The following TAFA2 variants were observed in gnomAD, a reference collection of about 807,000 sequenced individuals.
The protein encoded by TAFA2 is TAFA chemokine like family member 2.
Under a neutral mutation model 18.8 loss-of-function variants are expected in TAFA2, and 7 were observed. That is an observed-to-expected ratio of 0.37 (90% confidence interval 0.21 to 0.70). The LOEUF is 0.70. TAFA2 is among the 30% of genes least tolerant of loss of function. TAFA2 has a pLI of 0.53. For missense variants in TAFA2, 122 were observed against 158.1 expected (o/e 0.77, Z 1.23); for synonymous variants, 60 against 54.2 (o/e 1.11, Z -0.47).
chr12:62,142,223 T>C (rs1336825225), intron 1 of TAFA2, among the ~76,000 whole-genome samples: 1 of 152,146 alleles, frequency 6.6e-6, no homozygotes, highest in East Asian at 1.9e-4. Context: ...AAATAATAAC[T>C]ACCTGAGCCT....
rs186416726 is a variant in TAFA2, at chr12:61,784,119, G to T, written c.107-29095C>A. On this transcript the variant is annotated intron_variant, in intron 2 of 4. Transcript: ENST00000416284. Reference sequence around the variant, plus strand: ...CTGAGGCCATCTCTGGAAAAGGGAGGGGAAATACTGGAAGAAGAAAGGATA... The same window carrying T: ...CTGAGGCCATCTCTGGAAAAGGGAGTGGAAATACTGGAAGAAGAAAGGATA... Among the ~76,000 whole-genome samples the T allele has an allele frequency of 2.7e-3, 405 of 151,466 alleles. 4 individuals carry two copies. The highest frequency in any genetic ancestry group is 3.8e-3 in the Non-Finnish European group (257 of 67,630).
chr12:62,101,097 CCAA>C (rs1014379342), intron 1 of TAFA2, among the ~76,000 whole-genome samples: 1 of 151,806 alleles, frequency 6.6e-6, no homozygotes, highest in African/African-American at 2.4e-5. Flanking sequence ...AGTAGATTAC[CCAA>C]CAACAACTAT....
At chr12:62,165,047 C>T (rs1165831580) in intron 1 of TAFA2, among the ~76,000 whole-genome samples, 1 of 152,008 alleles carries the variant, frequency 6.6e-6, no homozygotes, top group Non-Finnish European at 1.5e-5. Context: ...GTCCCCAATA[C>T]CTTGGGGAAA....
At chr12:61,999,022 T>C (rs576509097) in intron 1 of TAFA2, among the ~76,000 whole-genome samples, 5 of 152,314 alleles carry the variant, frequency 3.3e-5, no homozygotes, top group African/African-American at 1.2e-4. Flanking sequence ...AGCTGGGTTT[T>C]TATTCAGCTG....
At chr12:61,948,083 T>C (rs567949970) in intron 1 of TAFA2, among the ~76,000 whole-genome samples, 1 of 152,058 alleles carries the variant, frequency 6.6e-6, no homozygotes, top group East Asian at 1.9e-4. Context: ...CTTTGAAAAG[T>C]TTCTTTCATT....
intron 1 of TAFA2, among the ~76,000 whole-genome samples, chr12:61,973,894 T>G (rs908464874): frequency 6.6e-6 from 1 of 151,720 alleles, no homozygotes; most frequent in Non-Finnish European, 1.5e-5. Context: ...TGAGAACCAG[T>G]GCTTTAAGCC....
At chr12:62,234,340 T>C in intron 1 of TAFA2, 1 of 543,730 alleles carries the variant, frequency 1.8e-6, no homozygotes, top group Non-Finnish European at 3.5e-6. Context: ...CTCTGAGCAG[T>C]TGCCAGGTCC....
chr12:62,059,895 C>A (rs191705073), intron 1 of TAFA2, among the ~76,000 whole-genome samples: 3 of 152,148 alleles, frequency 2.0e-5, no homozygotes, highest in African/African-American at 7.2e-5. Context: ...ACTTTTATTT[C>A]TTCCTACTAT....
intron 2 of TAFA2, among the ~76,000 whole-genome samples, chr12:61,820,582 GA>G (rs1037329552): frequency 9.3e-5 from 14 of 151,228 alleles, no homozygotes; most frequent in African/African-American, 3.4e-4. Flanking sequence ...GAAGGAAGAG[GA>G]AAAAAAGAAA....
intron 4 of TAFA2, among the ~76,000 whole-genome samples, chr12:61,733,892 T>C (rs1165013700): frequency 6.7e-6 from 1 of 150,250 alleles, no homozygotes; most frequent in Non-Finnish European, 1.5e-5. Flanking sequence ...ATATTGATTC[T>C]TCCTACCCAT....
chr12:61,824,747 C>T (rs1872470979), intron 2 of TAFA2, among the ~76,000 whole-genome samples: 1 of 152,082 alleles, frequency 6.6e-6, no homozygotes, highest in Non-Finnish European at 1.5e-5. Flanking sequence ...TTGATGTACT[C>T]CTGTTTTATA....
chr12:61,940,238 C>A (rs1054275380), intron 1 of TAFA2, among the ~76,000 whole-genome samples: 1 of 152,210 alleles, frequency 6.6e-6, no homozygotes, highest in Non-Finnish European at 1.5e-5. Context: ...CAAGCCCAGA[C>A]ACCCAGTGCT....
At chr12:61,859,658 G>C (rs1281296120) in intron 2 of TAFA2, among the ~76,000 whole-genome samples, 2 of 152,082 alleles carry the variant, frequency 1.3e-5, no homozygotes, top group African/African-American at 4.8e-5. Flanking sequence ...TGGCCAGGCT[G>C]GTCTCAAACT....
intron 1 of TAFA2, among the ~76,000 whole-genome samples, chr12:61,974,428 A>G (rs1340870042): frequency 1.3e-5 from 2 of 151,790 alleles, no homozygotes; most frequent in African/African-American, 2.4e-5. Context: ...TAAAATGTAT[A>G]TTATGTTTCA....
At chr12:61,804,976 C>G (rs1871550499) in intron 2 of TAFA2, among the ~76,000 whole-genome samples, 1 of 151,846 alleles carries the variant, frequency 6.6e-6, no homozygotes, top group South Asian at 2.1e-4. Context: ...CAAACATACT[C>G]TAAAACAGCA....
At position 61,848,998 on chromosome 12, in the gene TAFA2, C is replaced by T. The variant is rs1313785518; in HGVS notation, c.106+18322G>A. 3.3e-5 allele frequency among the ~76,000 whole-genome samples: 5 copies of T among 152,074 alleles called. No individual in the cohort carries two copies. The East Asian group carries it at 5.8e-4, about 18-fold the overall frequency. On this transcript the variant is annotated intron_variant, in intron 2 of 4. Transcript: ENST00000416284. ...CTGGGATTACAGGCACCCGCCACAA[C>T]GGCTGGCTAATTTTTTGTATTTGTT...
chr12:62,118,568 A>C (rs759302927), intron 1 of TAFA2, among the ~76,000 whole-genome samples: 3 of 152,148 alleles, frequency 2.0e-5, no homozygotes, highest in South Asian at 2.1e-4. Context: ...TGATTGCACC[A>C]ATTTGCCCTC....
chr12:61,915,130 C>T (rs1273700861), intron 1 of TAFA2, among the ~76,000 whole-genome samples: 1 of 152,112 alleles, frequency 6.6e-6, no homozygotes, highest in Non-Finnish European at 1.5e-5. Flanking sequence ...CACTGCTCTC[C>T]AGCCCGGGCA....
At chr12:61,963,502 A>C (rs1878961436) in intron 1 of TAFA2, among the ~76,000 whole-genome samples, 1 of 151,928 alleles carries the variant, frequency 6.6e-6, no homozygotes, top group South Asian at 2.1e-4. Flanking sequence ...TTCTTTTGAG[A>C]AGTGTCTGTT....
Sources: allele counts gnomAD v4.1 joint callset (sites outside exome capture counted in the v4.1 genomes callset), GRCh38; gene constraint gnomAD v4.1.1; transcripts MANE v1.5; gene names NCBI Gene and HGNC (gene_info 2026-07-23, HGNC 2026-07-21).